The following DNAH7 variants were observed in gnomAD, a reference collection of about 807,000 sequenced individuals.
DNAH7 encodes axonemal beta dynein heavy chain 7.
Under a neutral mutation model 444.6 loss-of-function variants are expected in DNAH7, and 397 were observed. The observed-to-expected ratio is 0.89, with a 90% CI of 0.82 to 0.97. The LOEUF (loss-of-function observed/expected upper bound fraction) is 0.97, where lower values mean the gene tolerates loss of function less well. Ranked by LOEUF, DNAH7 falls within the 50% of genes least tolerant of loss-of-function variation. The pLI, the probability that DNAH7 is intolerant of heterozygous loss-of-function variation, is 0.00. For missense variants in DNAH7, 4,902 were observed against 4,800.8 expected (o/e 1.02, Z -0.62); for synonymous variants, 1,636 against 1,624.4 (o/e 1.01, Z -0.17).
rs935221139 is a variant in DNAH7, at chr2:195,806,919, T to C, written c.10084-87A>G. The C allele has an allele frequency of 5.3e-6, 5 of 936,714 alleles. No homozygotes were observed. In the Admixed American group the frequency reaches 1.2e-4, roughly 23 times the overall value. The allele number at this position is 936,714 out of a possible 1,614,324, so 58.0% of individuals were successfully genotyped here. ...CTTATAAACCAACTTTTAGAATATA[T>C]AAATGAAATCAAGAATGCTTGTCTA... On this transcript the variant is annotated intron_variant, in intron 53 of 64. Transcript: ENST00000312428.
intron 20 of DNAH7, 152 bp from the exon 21 acceptor site, chr2:195,934,941 A>C: frequency 1.3e-6 from 1 of 763,014 alleles, no homozygotes; most frequent in South Asian, 1.9e-5. Flanking sequence ...CAAACAAAAA[A>C]CACAAGCTCT....
At position 195,847,953 on chromosome 2, in the gene DNAH7, C is replaced by T. The variant is rs1032517440; in HGVS notation, c.8782-2788G>A. On this transcript the variant is annotated intron_variant, in intron 46 of 64. Coordinates refer to ENST00000312428, the MANE Select transcript of DNAH7 (RefSeq NM_018897.3). ...CCGGGCGGTACTACAAGCCAAGGTT[C>T]GTGTTCAGAAAGTCAGAAGTCAGTA... 4.6e-5 allele frequency among the ~76,000 whole-genome samples: 7 copies of T among 152,194 alleles called. No homozygotes were observed. The East Asian group carries it at 1.4e-3, about 29-fold the overall frequency.
intron 5 of DNAH7, among the ~76,000 whole-genome samples, chr2:196,038,827 G>A (rs1412820093): frequency 1.3e-5 from 2 of 152,096 alleles, no homozygotes; most frequent in South Asian, 4.1e-4. Context: ...AATTCACCAA[G>A]TAGATCTAAT....
At chr2:195,988,704 C>G (rs1165264812) in intron 12 of DNAH7, among the ~76,000 whole-genome samples, 1 of 152,034 alleles carries the variant, frequency 6.6e-6, no homozygotes, top group African/African-American at 2.4e-5. Flanking sequence ...AAAATCCTCC[C>G]TTCTAGCTAT....
At chr2:196,009,786 T>C (rs1694617125) in intron 10 of DNAH7, among the ~76,000 whole-genome samples, 1 of 152,100 alleles carries the variant, frequency 6.6e-6, no homozygotes. Context: ...ATAACTGGAA[T>C]ACATAGAGAA....
chr2:195,778,669 TACACACACACAC>T (rs1198664361), intron 58 of DNAH7, among the ~76,000 whole-genome samples: 1 of 64,090 alleles, frequency 1.6e-5, no homozygotes, highest in African/African-American at 7.8e-5. Context: ...TATATATATA[TACACACACACAC>T]ATATATATAC....
chr2:195,864,930 T>A lies in DNAH7; in HGVS notation c.6725A>T (p.Tyr2242Phe). The change falls in exon 41 of 65, where the codon TAT becomes TTT. Residue 2242 changes from tyrosine to phenylalanine, a missense_variant. By Grantham distance (22) the Tyr-to-Phe change is conservative (BLOSUM62 3). Transcript: ENST00000312428. ...YIQEILRNYM[Y>F]EDFHELFQRL... is the part of the protein sequence containing the mutation. ...CTGAAAAAGCTCATGAAAATCTTCA[T>A]ACATGTAGTTTCTCAAAATTTCTTG... 6.2e-7 allele frequency: 1 copy of A among 1,611,974 alleles called. No homozygotes were observed. Among genetic ancestry groups the A allele is most frequent in the Non-Finnish European group, 8.5e-7 (1 of 1,179,992 alleles).
Position 196,058,711 on chromosome 2 carries a change from C to T in DNAH7, c.16-595G>A, listed in dbSNP as rs78512944. 2.6e-3 allele frequency among the ~76,000 whole-genome samples: 396 copies of T among 152,160 alleles called. 5 individuals carry two copies. The East Asian group carries it at 0.054, about 21-fold the overall frequency. ...AAGTTCTTGATAAATAAAAGGACAA[C>T]CCATGTTCATGGATTGGGAGACTAA... On this transcript the variant is annotated intron_variant, in intron 1 of 64. Transcript: ENST00000312428.
At chr2:196,066,610 A>T (rs1406846944) in intron 1 of DNAH7, among the ~76,000 whole-genome samples, 1 of 152,184 alleles carries the variant, frequency 6.6e-6, no homozygotes, top group Admixed American at 6.5e-5. Context: ...GTTTTAACTC[A>T]TTTTAAAAAT....
intron 57 of DNAH7, among the ~76,000 whole-genome samples, chr2:195,789,768 TA>T (rs202158950): frequency 3.3e-5 from 5 of 149,926 alleles, no homozygotes; most frequent in Middle Eastern, 3.4e-3. Context: ...GAGAAAACAT[TA>T]AAAAAAAACC....
chr2:195,830,316 T>C (rs1451560869), intron 48 of DNAH7, among the ~76,000 whole-genome samples: 2 of 152,202 alleles, frequency 1.3e-5, no homozygotes, highest in Non-Finnish European at 2.9e-5. Context: ...CAGTTATCCT[T>C]AGCAACAGAA....
chr2:196,046,338 T>C (rs948567852), intron 5 of DNAH7, among the ~76,000 whole-genome samples: 1 of 152,074 alleles, frequency 6.6e-6, no homozygotes, highest in African/African-American at 2.4e-5. Flanking sequence ...AAACAAGATC[T>C]GCCCTACCCT....
chr2:195,772,579 G>T (rs1694889677), intron 60 of DNAH7, among the ~76,000 whole-genome samples: 1 of 152,026 alleles, frequency 6.6e-6, no homozygotes, highest in African/African-American at 2.4e-5. Flanking sequence ...GGTATGTGTT[G>T]AAAGAAAACA....
At chr2:195,803,489 C>T (rs1696570260) in intron 54 of DNAH7, among the ~76,000 whole-genome samples, 1 of 152,240 alleles carries the variant, frequency 6.6e-6, no homozygotes, top group Non-Finnish European at 1.5e-5. Flanking sequence ...TGAATTGTAA[C>T]TCCCGAGGTA....
intron 17 of DNAH7, among the ~76,000 whole-genome samples, chr2:195,969,737 A>T (rs776361718): frequency 6.6e-6 from 1 of 152,214 alleles, no homozygotes; most frequent in African/African-American, 2.4e-5. Flanking sequence ...TCTTTAACAT[A>T]GGAAAAAAAT....
chr2:195,890,129 A>C (rs1156609595), intron 31 of DNAH7, among the ~76,000 whole-genome samples: 1 of 152,202 alleles, frequency 6.6e-6, no homozygotes, highest in Non-Finnish European at 1.5e-5. Flanking sequence ...GCACGTTCTC[A>C]GTCCCTGCAG....
intron 58 of DNAH7, among the ~76,000 whole-genome samples, chr2:195,778,643 A>AATATATATATATATATAT (rs1169066622): frequency 3.6e-5 from 2 of 56,254 alleles, no homozygotes. Context: ...TAAATAAATA[A>AATATATATATATATATAT]ATATATATAT....
rs76728730 is a variant in DNAH7 at position 195,988,590 on chromosome 2, A to G, written c.1354-361T>C. ...TAATTATACATATTTATGGAATACAATGTGATGCTTTGACACATGTATACA... is the reference window on the plus strand; with the variant it reads ...TAATTATACATATTTATGGAATACAGTGTGATGCTTTGACACATGTATACA... On this transcript the variant is annotated intron_variant, in intron 12 of 64. Coordinates refer to ENST00000312428, the MANE Select transcript of DNAH7 (RefSeq NM_018897.3). Among the ~76,000 whole-genome samples, 79 of 152,268 alleles carry G rather than the reference A, an allele frequency of 5.2e-4. 1 individual carries two copies. In the East Asian group the frequency reaches 0.013, roughly 24 times the overall value.
Position 195,960,948 on chromosome 2 carries a change from G to T in DNAH7, c.2206-3C>A. The stretch of plus-strand genomic sequence containing the variant: ...TCTTCAGCATTAAACTGCTCAATCT[G>T]AAAGGATAAGTATTGAATATATTAG... On this transcript the variant is annotated splice_region_variant and splice_polypyrimidine_tract_variant and intron_variant, in intron 17 of 64. Coordinates refer to ENST00000312428, the MANE Select transcript of DNAH7 (RefSeq NM_018897.3). 1 of 1,571,424 alleles carries T rather than the reference G, an allele frequency of 6.4e-7. No homozygotes were observed.
Sources: gnomAD v4.1 joint callset for allele counts (sites outside exome capture counted in the v4.1 genomes callset) on GRCh38, gnomAD v4.1.1 for gene constraint, MANE v1.5 for transcripts, NCBI Gene and HGNC (gene_info 2026-07-23, HGNC 2026-07-21) for gene names.